The following ALG13 variants were observed in gnomAD, a reference collection of about 807,000 sequenced individuals.
ALG13 encodes ALG13 UDP-N-acetylglucosaminyltransferase subunit, also known as UDP-N-acetylglucosamine transferase subunit ALG13.
Under a neutral mutation model 87.8 loss-of-function variants are expected in ALG13, and 11 were observed. The observed-to-expected ratio is 0.13, with a 90% CI of 0.08 to 0.21. ALG13 has a LOEUF of 0.21. Among genes scored for constraint, ALG13 ranks in the 10% least tolerant of loss-of-function variants. The pLI, the probability that ALG13 is intolerant of heterozygous loss-of-function variation, is 1.00. For synonymous variants in ALG13, 320 were observed against 306.3 expected, an observed-to-expected ratio of 1.04 and a Z score of -0.47; for missense variants, 756 against 866.1, an observed-to-expected ratio of 0.87 and a Z score of 1.60.
chrX:111,725,847 G>C (rs1426212137), intron 15 of ALG13, among the ~76,000 whole-genome samples: 1 of 112,353 alleles, frequency 8.9e-6, no homozygotes, highest in Non-Finnish European at 1.9e-5. Context: ...AGAGAACTAG[G>C]AAAATACCTC....
chrX:111,691,375 A>G (rs1936120203), intron 3 of ALG13, among the ~76,000 whole-genome samples: 1 of 111,888 alleles, frequency 8.9e-6, no homozygotes, highest in South Asian at 3.7e-4. Context: ...TGCTGGGATT[A>G]CAGGCGTGAG....
Position 111,698,253 on chromosome X carries a change from G to A in ALG13, c.384-9774G>A, listed in dbSNP as rs184710611. On this transcript the variant is annotated intron_variant, in intron 3 of 26. Transcript: ENST00000394780. ...AAAAATTAATGTTTTTAATTTACAC[G>A]TCACAATTGTATATGCATTTATAGG... 1.8e-4 allele frequency among the ~76,000 whole-genome samples: 20 copies of A among 111,614 alleles called. No homozygotes were observed. The East Asian group carries it at 5.1e-3, about 28-fold the overall frequency.
At chrX:111,731,506 C>T (rs1195765262) in intron 21 of ALG13, among the ~76,000 whole-genome samples, 1 of 111,881 alleles carries the variant, frequency 8.9e-6, no homozygotes, top group Admixed American at 9.5e-5. Context: ...CTTGGTTACT[C>T]CCAAGGCCCA....
At position 111,723,861 on chromosome X, in the gene ALG13, A is replaced by T; in HGVS notation, c.1564A>T (p.Asn522Tyr). The T allele has an allele frequency of 8.5e-7, 1 of 1,181,159 alleles. No individual in the cohort carries two copies. Among genetic ancestry groups the T allele is most frequent in the Non-Finnish European group, 1.1e-6 (1 of 877,878 alleles). Residue 522 changes from asparagine to tyrosine, a missense_variant, in exon 14 of 27, where the codon AAT becomes TAT. This residue lies in a region of ALG13 where 362 missense variants were observed against 383.5 expected (regional missense o/e 0.94). Transcript: ENST00000394780. ...AHIQEVGNEN[N>Y]SVTVFIEELA... Reference sequence around the variant, plus strand: ...TATCCAGGAAGTTGGAAATGAGAACAATTCAGTAACAGTCTTCATTGAAGA... The same window carrying T: ...TATCCAGGAAGTTGGAAATGAGAACTATTCAGTAACAGTCTTCATTGAAGA...
At chrX:111,711,847 T>G in intron 6 of ALG13, 122 bp downstream of exon 6, 1 of 645,967 alleles carries the variant, frequency 1.5e-6, no homozygotes, top group Non-Finnish European at 2.3e-6. Flanking sequence ...CCAGCTGTGT[T>G]GAATCCAATA....
intron 5 of ALG13, 94 bp downstream of exon 5, chrX:111,709,142 C>G: frequency 4.7e-6 from 2 of 425,639 alleles, no homozygotes; most frequent in South Asian, 4.5e-5. Context: ...CTATATCATG[C>G]TGTCTCCTCA....
rs748179689 is a variant in ALG13 at position 111,734,868 on chromosome X, T to C, written c.2458-183T>C. On this transcript the variant is annotated intron_variant, in intron 21 of 26. Transcript: ENST00000394780. ...GATGTGTTGAGGATTTCTGTAGATATGTAACAAAACAGTCACCTACATCAC... is the reference window on the plus strand; with the variant it reads ...GATGTGTTGAGGATTTCTGTAGATACGTAACAAAACAGTCACCTACATCAC... Among the ~76,000 whole-genome samples, 15 of 112,187 alleles carry C rather than the reference T, an allele frequency of 1.3e-4. 1 individual carries two copies. Among genetic ancestry groups the C allele is most frequent in the Admixed American group, 9.5e-4 (10 of 10,578 alleles).
At chrX:111,711,305 C>T (rs1324143904) in intron 5 of ALG13, among the ~76,000 whole-genome samples, 1 of 112,089 alleles carries the variant, frequency 8.9e-6, no homozygotes, top group Admixed American at 9.5e-5. Context: ...TTTAAAGTTC[C>T]TCAGTTTAAT....
At chrX:111,743,287 T>TA (rs974910881) in intron 23 of ALG13, among the ~76,000 whole-genome samples, 40 of 111,766 alleles carry the variant, frequency 3.6e-4, no homozygotes, top group African/African-American at 5.5e-4. Flanking sequence ...CCATTTTATT[T>TA]AAAAAAAATC....
chrX:111,717,697 T>C, intron 8 of ALG13, 149 bp from the exon 9 acceptor site: 1 of 418,979 alleles, frequency 2.4e-6, no homozygotes, highest in South Asian at 4.4e-5. Flanking sequence ...TTGCATTTCC[T>C]TATATTTAGA....
chrX:111,693,878 C>T (rs1311868783), intron 3 of ALG13, among the ~76,000 whole-genome samples: 2 of 110,489 alleles, frequency 1.8e-5, no homozygotes, highest in Non-Finnish European at 3.8e-5. Context: ...CTCATGGCCC[C>T]GGGTTAAGAA....
In ALG13 at chrX:111,727,648, G is replaced by A. The variant is rs375538623; in HGVS notation, c.2125G>A (p.Val709Met). ...ACGTAGTCACCGCCAGATGAGTTGT[G>A]TGAATAAGGAGTCCCAGTATGGATT... ...FRRSHRQMSCVNKESQYGFTP... is the reference protein window; with the variant it reads ...FRRSHRQMSCMNKESQYGFTP... The change falls in exon 18 of 27, where the codon GTG becomes ATG. Residue 709 changes from valine (V) to methionine (M), a missense_variant. Physicochemically the swap from Val to Met is conservative, Grantham distance 21. This residue lies in a region of ALG13 where 362 missense variants were observed against 383.5 expected (regional missense o/e 0.94). Transcript: ENST00000394780. 1.7e-6 allele frequency: 2 copies of A among 1,207,925 alleles called. No individual in the cohort carries two copies. The highest frequency in any genetic ancestry group is 3.5e-5 in the African/African-American group (2 of 57,202).
Position 111,726,904 on chromosome X carries a change from C to T in ALG13, c.1825C>T (p.Pro609Ser). The change falls in exon 16 of 27, where the codon CCC becomes TCC. Residue 609 changes from proline (P) to serine (S), a missense_variant. By Grantham distance (74) the Pro-to-Ser change is moderately conservative. This residue lies in a region of ALG13 where 362 missense variants were observed against 383.5 expected (regional missense o/e 0.94). Transcript: ENST00000394780. ...YMTMAYGKGD[P>S]LLPPRLQHSM... ...GACTATGGCTTACGGCAAGGGAGAC[C>T]CCCTCCTCCCACCCAGGCTGCAGCA... The T allele has an allele frequency of 3.3e-6, 4 of 1,210,725 alleles. No individual in the cohort carries two copies. The highest frequency in any genetic ancestry group is 4.5e-6 in the Non-Finnish European group (4 of 895,018).
At chrX:111,750,964 C>T (rs905057030) in intron 24 of ALG13, among the ~76,000 whole-genome samples, 4 of 110,527 alleles carry the variant, frequency 3.6e-5, no homozygotes, top group African/African-American at 9.9e-5. Flanking sequence ...CCACTGTGCC[C>T]GGCCAGCAAT....
At chrX:111,699,241 G>C (rs935219541) in intron 3 of ALG13, among the ~76,000 whole-genome samples, 4 of 109,313 alleles carry the variant, frequency 3.7e-5, no homozygotes, top group African/African-American at 1.3e-4. Context: ...TTTCCTTACA[G>C]GTTTTTTTTT....
intron 2 of ALG13, among the ~76,000 whole-genome samples, chrX:111,683,700 A>G: frequency 9.0e-6 from 1 of 111,030 alleles, no homozygotes; most frequent in Non-Finnish European, 1.9e-5. Flanking sequence ...TTATCTACTC[A>G]CTTATCAATC....
intron 3 of ALG13, among the ~76,000 whole-genome samples, chrX:111,702,813 C>G (rs1444074393): frequency 1.8e-5 from 2 of 109,978 alleles, no homozygotes; most frequent in African/African-American, 6.6e-5. Flanking sequence ...AGTAGCTTTT[C>G]TGAGAAAGGG....
At chrX:111,684,838 A>G (rs1934523249) in intron 2 of ALG13, 127 bp from the exon 3 acceptor site, 1 of 589,795 alleles carries the variant, frequency 1.7e-6, no homozygotes, top group Non-Finnish European at 2.7e-6. Context: ...TTGAATGTAT[A>G]ATTGAAAGAC....
intron 21 of ALG13, among the ~76,000 whole-genome samples, chrX:111,731,932 C>A (rs1372466791): frequency 1.8e-5 from 2 of 111,841 alleles, no homozygotes; most frequent in Admixed American, 9.5e-5. Flanking sequence ...CTTAGTTGAA[C>A]TCTAGCTTTG....
Sources: gnomAD v4.1 joint callset for allele counts (sites outside exome capture counted in the v4.1 genomes callset) on GRCh38, gnomAD v4.1.1 for gene constraint, gnomAD v4.1.1 regional missense constraint, MANE v1.5 for transcripts, NCBI Gene and HGNC (gene_info 2026-07-23, HGNC 2026-07-21) for gene names.